The following SMU1 variants were observed in gnomAD, a reference collection of about 807,000 sequenced individuals.
SMU1 encodes the protein SMU1 DNA replication regulator and spliceosomal factor.
A neutral mutation model predicts 62.0 loss-of-function variants in SMU1; 2 were observed. The observed-to-expected ratio is 0.03, with a 90% CI of 0.01 to 0.10. SMU1 has a LOEUF of 0.10. Among genes scored for constraint, SMU1 ranks in the 10% least tolerant of loss-of-function variants. The probability of loss-of-function intolerance (pLI) is 1.00; values close to 1 mark genes in which losing one functional copy is unlikely to be tolerated. For synonymous variants in SMU1, 188 were observed against 212.4 expected (o/e 0.89, Z 1.00); for missense variants, 227 against 622.1 (o/e 0.36, Z 6.76).
intron 4 of SMU1, among the ~76,000 whole-genome samples, chr9:33,065,029 C>T (rs1187898561): frequency 1.3e-5 from 2 of 152,206 alleles, no homozygotes; most frequent in African/African-American, 4.8e-5. Context: ...AGATGTGAAC[C>T]ACCACACCCG....
intron 3 of SMU1, among the ~76,000 whole-genome samples, chr9:33,070,259 A>C (rs1265916290): frequency 6.6e-6 from 1 of 152,216 alleles, no homozygotes; most frequent in Non-Finnish European, 1.5e-5. Context: ...GACACACACA[A>C]GGCAAACAGG....
chr9:33,048,192 G>C lies in SMU1; in HGVS notation c.1357C>G (p.Arg453Gly), dbSNP rs1306717255. ...GDFVCCALSP[R>G]GEWIYCVGED... The stretch of plus-strand genomic sequence containing the variant: ...CCTACACAGTAGATCCATTCACCAC[G>C]GGGAGAGAGGGCACAGCAAACAAAG... The change falls in exon 11 of 12, where the codon CGT becomes GGT. Residue 453 changes from arginine to glycine, a missense_variant. By Grantham distance (125) the Arg-to-Gly change is moderately radical (BLOSUM62 -2). Transcript: ENST00000397149. 6.2e-7 allele frequency: 1 copy of C among 1,613,978 alleles called. No individual in the cohort carries two copies. The highest frequency in any genetic ancestry group is 1.7e-5 in the Admixed American group (1 of 59,984).
Position 33,042,455 on chromosome 9 carries a change from TCTC to T in SMU1, c.*4835_*4837del, listed in dbSNP as rs1264394507. ...CTAACTCTGCTTTCTCTGTGATGCTTCTCCTGCCCATTCATACTTGTAGGGAAT... is the reference window on the plus strand; with the variant it reads ...CTAACTCTGCTTTCTCTGTGATGCTTCTGCCCATTCATACTTGTAGGGAAT... On this transcript the variant is annotated 3_prime_UTR_variant, in exon 12 of 12. Coordinates refer to ENST00000397149, the MANE Select transcript of SMU1 (RefSeq NM_018225.3). 2 of 152,496 alleles carry T rather than the reference TCTC, an allele frequency of 1.3e-5. No homozygotes were observed. Among genetic ancestry groups the T allele is most frequent in the Non-Finnish European group, 2.9e-5 (2 of 68,040 alleles). The allele number at this position is 152,496 out of a possible 1,614,324, so 9.4% of individuals were successfully genotyped here. A position where few individuals can be genotyped will look rare whatever the true frequency, so the allele number is the denominator to read the frequency against.
chr9:33,076,637 G>A lies in SMU1; in HGVS notation c.-29C>T, dbSNP rs1430285142. The A allele has an allele frequency of 1.2e-6, 2 of 1,613,584 alleles. No homozygotes were observed. Among genetic ancestry groups the A allele is most frequent in the Non-Finnish European group, 1.7e-6 (2 of 1,180,016 alleles). Reference sequence around the variant, plus strand: ...CGTATCTCTCCGGGAGCAGGCCCCAGCTCTCCCTCAAGGCCAGTCGCGCAA... The same window carrying A: ...CGTATCTCTCCGGGAGCAGGCCCCAACTCTCCCTCAAGGCCAGTCGCGCAA... On this transcript the variant is annotated 5_prime_UTR_variant, in exon 1 of 12. Coordinates refer to ENST00000397149, the MANE Select transcript of SMU1 (RefSeq NM_018225.3).
chr9:33,064,163 C>T (rs1839394021), intron 4 of SMU1, among the ~76,000 whole-genome samples: 1 of 151,950 alleles, frequency 6.6e-6, no homozygotes, highest in African/African-American at 2.4e-5. Flanking sequence ...GTGGCATGAT[C>T]ACAACTCACT....
chr9:33,044,455 C>A lies in SMU1; in HGVS notation c.*2838G>T, dbSNP rs1338074521. 2 of 152,420 alleles carry A rather than the reference C, an allele frequency of 1.3e-5. No individual in the cohort carries two copies. Among genetic ancestry groups the A allele is most frequent in the African/African-American group, 4.8e-5 (2 of 41,460 alleles). 9.4% of individuals were successfully genotyped at this position (152,420 alleles called of 1,614,324 possible). A position where few individuals can be genotyped will look rare whatever the true frequency, so the allele number is the denominator to read the frequency against. ...CCTCCGACCACCCGGAGCAGCGGCGCCCCAGATCCGGCCGTCCGCCCTGCG... is the reference window on the plus strand; with the variant it reads ...CCTCCGACCACCCGGAGCAGCGGCGACCCAGATCCGGCCGTCCGCCCTGCG... On this transcript the variant is annotated 3_prime_UTR_variant, in exon 12 of 12. Coordinates refer to ENST00000397149, the MANE Select transcript of SMU1 (RefSeq NM_018225.3).
At chr9:33,071,485 T>A (rs561575539) in intron 3 of SMU1, among the ~76,000 whole-genome samples, 4 of 152,206 alleles carry the variant, frequency 2.6e-5, no homozygotes, top group African/African-American at 7.2e-5. Flanking sequence ...AATGTTCTGC[T>A]TTTTTTACTA....
chr9:33,044,226 G>C lies in SMU1; in HGVS notation c.*3067C>G, dbSNP rs1490788759. ...GAACCGACTGCACACGCCCAATTCAGAAGGAAGTGAGCACTGATTCCCGGC... is the reference window on the plus strand; with the variant it reads ...GAACCGACTGCACACGCCCAATTCACAAGGAAGTGAGCACTGATTCCCGGC... On this transcript the variant is annotated 3_prime_UTR_variant, in exon 12 of 12. Coordinates refer to ENST00000397149, the MANE Select transcript of SMU1 (RefSeq NM_018225.3). 6.6e-6 allele frequency: 1 copy of C among 152,438 alleles called. No individual in the cohort carries two copies. Among genetic ancestry groups the C allele is most frequent in the Non-Finnish European group, 1.5e-5 (1 of 68,078 alleles). 9.4% of individuals were successfully genotyped at this position (152,438 alleles called of 1,614,324 possible).
chr9:33,057,554 A>T, intron 7 of SMU1, 44 bp downstream of exon 7: 1 of 1,609,748 alleles, frequency 6.2e-7, no homozygotes, highest in Non-Finnish European at 8.5e-7. Flanking sequence ...ATAGCAGAAC[A>T]TTCAAAATGT....
At chr9:33,053,008 G>T in intron 10 of SMU1, 115 bp downstream of exon 10, 3 of 830,708 alleles carry the variant, frequency 3.6e-6, no homozygotes, top group South Asian at 3.2e-5. Flanking sequence ...CAGCTTAAAC[G>T]GTTTACAGAG....
chr9:33,067,496 CTTTTTTT>C (rs1163444916), intron 4 of SMU1, among the ~76,000 whole-genome samples: 1 of 129,684 alleles, frequency 7.7e-6, no homozygotes, highest in African/African-American at 2.9e-5. Context: ...AAGCAGCTTA[CTTTTTTT>C]TTTTTTTTTT....
chr9:33,047,532 G>C, intron 11 of SMU1, 141 bp from the exon 12 acceptor site: 2 of 587,844 alleles, frequency 3.4e-6, no homozygotes, highest in Non-Finnish European at 5.9e-6. Flanking sequence ...GATGGAGGAG[G>C]GTTTTCCAAC....
intron 6 of SMU1, among the ~76,000 whole-genome samples, chr9:33,059,448 T>G (rs186532286): frequency 2.6e-5 from 4 of 151,144 alleles, no homozygotes; most frequent in Non-Finnish European, 3.0e-5. Context: ...AAAAAAAAAT[T>G]TGTTTTTTGC....
chr9:33,070,141 A>AACG (rs1169846172), intron 3 of SMU1, among the ~76,000 whole-genome samples: 1 of 152,134 alleles, frequency 6.6e-6, no homozygotes, highest in East Asian at 1.9e-4. Context: ...CAACAACAAC[A>AACG]ACAAAACCCA....
chr9:33,059,903 C>T (rs866307255), intron 6 of SMU1, among the ~76,000 whole-genome samples: 49 of 151,754 alleles, frequency 3.2e-4, no homozygotes, highest in African/African-American at 1.1e-3. Context: ...TGAGCCATCA[C>T]GCCCAGCCTG....
intron 1 of SMU1, among the ~76,000 whole-genome samples, chr9:33,074,454 A>C (rs1021007814): frequency 4.6e-5 from 7 of 151,310 alleles, no homozygotes; most frequent in African/African-American, 1.7e-4. Flanking sequence ...ACACACAAAA[A>C]AAAAAATTAG....
At chr9:33,059,858 C>T (rs1194494386) in intron 6 of SMU1, among the ~76,000 whole-genome samples, 2 of 151,644 alleles carry the variant, frequency 1.3e-5, no homozygotes, top group Non-Finnish European at 2.9e-5. Flanking sequence ...GTGATCCACC[C>T]GCCTCAGCCT....
At position 33,073,713 on chromosome 9, in the gene SMU1, A is replaced by G. The variant is rs759392697; in HGVS notation, c.120T>C (p.Thr40=). Reference sequence around the variant, plus strand: ...CCACAAAACTCTCAATGCTGTCCACAGTATTCAGAGACACAGTAGTCTCCT... The same window carrying G: ...CCACAAAACTCTCAATGCTGTCCACGGTATTCAGAGACACAGTAGTCTCCT... ...LQEETTVSLN[T]VDSIESFVAD... The change falls in exon 2 of 12, where the codon ACT becomes ACC. Residue 40 remains threonine, a synonymous_variant. Coordinates refer to ENST00000397149, the MANE Select transcript of SMU1 (RefSeq NM_018225.3). 3 of 1,614,088 alleles carry G rather than the reference A, an allele frequency of 1.9e-6. No individual in the cohort carries two copies. The highest frequency in any genetic ancestry group is 4.5e-5 in the East Asian group (2 of 44,908).
chr9:33,071,610 A>T (rs1243581843), intron 3 of SMU1, 130 bp downstream of exon 3: 1 of 915,798 alleles, frequency 1.1e-6, no homozygotes, highest in East Asian at 2.8e-5. Context: ...TAAACAGAGA[A>T]GCATCATTCT....
Sources: allele counts gnomAD v4.1 joint callset (sites outside exome capture counted in the v4.1 genomes callset), GRCh38; gene constraint gnomAD v4.1.1; transcripts MANE v1.5; gene names NCBI Gene and HGNC (gene_info 2026-07-23, HGNC 2026-07-21).